Variants in HECW1 observed in about 807,000 individuals in gnomAD.
The protein encoded by HECW1 is HECT, C2 and WW domain containing E3 ubiquitin protein ligase 1.
Under a neutral mutation model 182.3 loss-of-function variants are expected in HECW1, and 61 were observed. The ratio of observed to expected loss-of-function variants is 0.33; its 90% confidence interval spans 0.27 to 0.41. The LOEUF (loss-of-function observed/expected upper bound fraction) is 0.41. Among genes scored for constraint, HECW1 ranks in the 10% least tolerant of loss-of-function variants. HECW1 has a pLI of 1.00. For synonymous variants in HECW1, 859 were observed against 832.6 expected (o/e 1.03, Z -0.55); for missense variants, 1,739 against 2,108.9 (o/e 0.82, Z 3.44).
At chr7:43,247,420 G>A (rs1424343767) in intron 3 of HECW1, among the ~76,000 whole-genome samples, 1 of 152,156 alleles carries the variant, frequency 6.6e-6, no homozygotes, top group Non-Finnish European at 1.5e-5. Context: ...GGGGATAGCG[G>A]GAGGATAGCT....
intron 16 of HECW1, among the ~76,000 whole-genome samples, chr7:43,471,593 G>A (rs895102565): frequency 6.6e-6 from 1 of 152,220 alleles, no homozygotes; most frequent in Admixed American, 6.5e-5. Flanking sequence ...GAACACGCTG[G>A]CATCTGACTC....
At chr7:43,416,894 G>A (rs959929816) in intron 8 of HECW1, among the ~76,000 whole-genome samples, 19 of 151,818 alleles carry the variant, frequency 1.3e-4, no homozygotes, top group African/African-American at 2.7e-4. Context: ...GCTCGAGCAC[G>A]GTGTGCGCAC....
intron 5 of HECW1, among the ~76,000 whole-genome samples, chr7:43,331,402 A>G (rs1811468935): frequency 6.6e-6 from 1 of 151,978 alleles, no homozygotes; most frequent in Non-Finnish European, 1.5e-5. Context: ...CATCCTGGCT[A>G]ACATGGTGAA....
Position 43,445,202 on chromosome 7 carries a change from G to T in HECW1, c.2030G>T (p.Cys677Phe), listed in dbSNP as rs748566869. The T allele has an allele frequency of 6.2e-7, 1 of 1,613,202 alleles. No homozygotes were observed. Among genetic ancestry groups the T allele is most frequent in the Non-Finnish European group, 8.5e-7 (1 of 1,179,818 alleles). ...DHSCEGCDAS[C>F]CSPSCYSSSC... ...AGTTGCGAGGGCTGTGACGCGTCCT[G>T]CTGCAGCCCCTCGTGCTACAGCTCC... Residue 677 changes from cysteine (C) to phenylalanine (F), a missense_variant, in exon 11 of 30, where the codon TGC (cysteine) becomes TTC (phenylalanine). Transcript: ENST00000395891.
At chr7:43,280,500 C>T (rs1803752311) in intron 3 of HECW1, among the ~76,000 whole-genome samples, 1 of 152,194 alleles carries the variant, frequency 6.6e-6, no homozygotes, top group African/African-American at 2.4e-5. Flanking sequence ...AGACGTAAGA[C>T]AAGTTTTGCC....
intron 3 of HECW1, among the ~76,000 whole-genome samples, chr7:43,278,055 G>C (rs546498556): frequency 1.3e-5 from 2 of 151,878 alleles, no homozygotes; most frequent in Non-Finnish European, 2.9e-5. Context: ...CTACTCTTGT[G>C]ACTTGAAATA....
chr7:43,518,196 C>T (rs866515693), intron 24 of HECW1, among the ~76,000 whole-genome samples: 1 of 151,918 alleles, frequency 6.6e-6, no homozygotes, highest in African/African-American at 2.4e-5. Context: ...CAACTAGAAT[C>T]TATAAAAGAA....
Position 43,563,366 on chromosome 7 carries a change from T to C in HECW1, c.*1440T>C, listed in dbSNP as rs904776732. 3.4e-5 allele frequency: 7 copies of C among 206,114 alleles called. No homozygotes were observed. Among genetic ancestry groups the C allele is most frequent in the Non-Finnish European group, 5.9e-5 (6 of 100,990 alleles). The allele number at this position is 206,114 out of a possible 1,614,324, so 12.8% of individuals were successfully genotyped here. A position where few individuals can be genotyped will look rare whatever the true frequency, so the allele number is the denominator to read the frequency against. On this transcript the variant is annotated 3_prime_UTR_variant, in exon 30 of 30. Coordinates refer to ENST00000395891, the MANE Select transcript of HECW1 (RefSeq NM_015052.5). ...ATTTGCTATTTTTCTAACGTTGTTA[T>C]CCATGTTGCCTGAAATAGGTCATAA...
At chr7:43,194,136 T>C (rs1794202207) in intron 2 of HECW1, among the ~76,000 whole-genome samples, 1 of 152,092 alleles carries the variant, frequency 6.6e-6, no homozygotes, top group Admixed American at 6.6e-5. Flanking sequence ...GAGGGTATCA[T>C]GAGGCGTGTC....
intron 3 of HECW1, among the ~76,000 whole-genome samples, chr7:43,246,143 A>G (rs902298862): frequency 7.6e-6 from 1 of 131,154 alleles, no homozygotes; most frequent in African/African-American, 3.2e-5. Context: ...TGAAAAATAA[A>G]AAAAAAAAAA....
intron 24 of HECW1, among the ~76,000 whole-genome samples, chr7:43,520,465 G>A (rs191622344): frequency 5.7e-4 from 87 of 152,202 alleles, no homozygotes; most frequent in Non-Finnish European, 1.1e-3. Flanking sequence ...CTGCCCATAT[G>A]TGCGCGATTG....
chr7:43,393,291 C>G (rs2075108837), intron 6 of HECW1, among the ~76,000 whole-genome samples: 1 of 152,174 alleles, frequency 6.6e-6, no homozygotes. Flanking sequence ...AGCCATGTCC[C>G]TGGCAGGCCT....
chr7:43,314,949 C>T (rs1170138860), intron 4 of HECW1, among the ~76,000 whole-genome samples: 1 of 152,124 alleles, frequency 6.6e-6, no homozygotes, highest in Non-Finnish European at 1.5e-5. Flanking sequence ...CACACAGCTG[C>T]CTCCCCTGGC....
intron 3 of HECW1, among the ~76,000 whole-genome samples, chr7:43,269,629 C>A (rs1802165807): frequency 6.6e-6 from 1 of 152,176 alleles, no homozygotes; most frequent in Admixed American, 6.5e-5. Context: ...GACCATCCAT[C>A]TGGGAATACC....
At position 43,465,904 on chromosome 7, in the gene HECW1, A is replaced by C. The variant is rs574926902; in HGVS notation, c.2792-543A>C. Among the ~76,000 whole-genome samples the C allele has an allele frequency of 2.6e-5, 4 of 151,084 alleles. No individual in the cohort carries two copies. The East Asian group carries it at 7.9e-4, about 30-fold the overall frequency. ...GCGAGACGCTGTCTCAAGAAAGACA[A>C]AGAGAGAGAGAGAAGAAAGAAAGAA... On this transcript the variant is annotated intron_variant, in intron 14 of 29. Transcript: ENST00000395891.
At chr7:43,140,124 A>T (rs1376974272) in intron 2 of HECW1, among the ~76,000 whole-genome samples, 1 of 151,758 alleles carries the variant, frequency 6.6e-6, no homozygotes, top group Non-Finnish European at 1.5e-5. Context: ...TTTGTTTCAT[A>T]TTTTTTCCCC....
chr7:43,393,318 C>T (rs1376359862), intron 6 of HECW1, among the ~76,000 whole-genome samples: 1 of 152,128 alleles, frequency 6.6e-6, no homozygotes, highest in Non-Finnish European at 1.5e-5. Context: ...TCAGGTTGCT[C>T]CAGGGTGAAA....
rs368880458 is a variant in HECW1 at position 43,355,292 on chromosome 7, A to G, written c.461-5594A>G. On this transcript the variant is annotated intron_variant, in intron 5 of 29. Transcript: ENST00000395891. ...GCAGACAAACCCAGGATACTCTAAT[A>G]CTGTAATTGTGGTGTGCAATCTATT... Among the ~76,000 whole-genome samples, 162 of 152,340 alleles carry G rather than the reference A, an allele frequency of 1.1e-3. 6 individuals are homozygous for G. The South Asian group carries it at 0.033, about 31-fold the overall frequency.
chr7:43,175,089 T>C (rs1428322498), intron 2 of HECW1, among the ~76,000 whole-genome samples: 1 of 152,200 alleles, frequency 6.6e-6, no homozygotes, highest in Admixed American at 6.5e-5. Flanking sequence ...CATTTTATTA[T>C]GAAATTTTTC....
Sources: allele counts gnomAD v4.1 joint callset (sites outside exome capture counted in the v4.1 genomes callset), GRCh38; gene constraint gnomAD v4.1.1; transcripts MANE v1.5; gene names NCBI Gene and HGNC (gene_info 2026-07-23, HGNC 2026-07-21).